Variants in IPP observed in about 807,000 individuals in gnomAD.
IPP encodes the protein intracisternal A particle-promoted polypeptide.
IPP carries 41 observed loss-of-function variants against 64.1 expected under a neutral mutation model. The ratio of observed to expected loss-of-function variants is 0.64; its 90% CI spans 0.50 to 0.83. IPP has a LOEUF of 0.83. Among genes scored for constraint, IPP ranks in the 40% least tolerant of loss-of-function variants. The pLI, the probability that IPP is intolerant of heterozygous loss-of-function variation, is 0.00. For missense variants in IPP, 649 were observed against 703.0 expected (o/e 0.92, Z 0.87); for synonymous variants, 214 against 235.2 (o/e 0.91, Z 0.83).
At chr1:45,702,037 A>G (rs949333341) in intron 8 of IPP, among the ~76,000 whole-genome samples, 2 of 152,250 alleles carry the variant, frequency 1.3e-5, no homozygotes, top group African/African-American at 4.8e-5. Flanking sequence ...TTACATTTTA[A>G]AATATAAATA....
At chr1:45,741,419 T>G (rs1646064220) in intron 2 of IPP, 87 bp from the exon 3 acceptor site, 1 of 889,110 alleles carries the variant, frequency 1.1e-6, no homozygotes, top group Non-Finnish European at 1.7e-6. Flanking sequence ...TTGATTTCAC[T>G]GATAGTTTGA....
intron 3 of IPP, among the ~76,000 whole-genome samples, chr1:45,734,063 C>A (rs1485079860): frequency 6.6e-6 from 1 of 151,618 alleles, no homozygotes; most frequent in Non-Finnish European, 1.5e-5. Context: ...CATTTAAATT[C>A]AAAACTAAAA....
At chr1:45,698,709 TTTTTTTTC>T in exon 9 of IPP, 2 of 739,226 alleles carry the variant, frequency 2.7e-6, no homozygotes, top group Non-Finnish European at 3.0e-6. Flanking sequence ...AAGGAAGAAT[TTTTTTTTC>T]TTTTTTTTTT....
intron 2 of IPP, among the ~76,000 whole-genome samples, chr1:45,745,202 C>T (rs1444340023): frequency 2.0e-5 from 3 of 152,166 alleles, no homozygotes; most frequent in Non-Finnish European, 4.4e-5. Flanking sequence ...CCCCTGTGTA[C>T]ATTCTCTAAT....
chr1:45,742,079 G>A (rs974009087), intron 2 of IPP, among the ~76,000 whole-genome samples: 2 of 152,184 alleles, frequency 1.3e-5, no homozygotes, highest in Non-Finnish European at 2.9e-5. Flanking sequence ...AACACAGATG[G>A]AGCTGGAGGC....
intron 5 of IPP, among the ~76,000 whole-genome samples, chr1:45,725,327 G>T (rs1251453183): frequency 2.1e-5 from 3 of 141,002 alleles, no homozygotes; most frequent in African/African-American, 7.9e-5. Context: ...CGCCCCGTCC[G>T]GGAGGGAGGT....
chr1:45,733,849 T>C (rs1392157083), intron 3 of IPP, among the ~76,000 whole-genome samples: 43 of 150,556 alleles, frequency 2.9e-4, no homozygotes, highest in Admixed American at 2.7e-3. Context: ...AAAAACAGTA[T>C]TATGCCCACC....
chr1:45,697,091 C>T (rs1014444203), downstream of IPP: 2 of 152,138 alleles, frequency 1.3e-5, no homozygotes, highest in African/African-American at 2.4e-5. Context: ...TCTTTGACAT[C>T]TTACAGATCT....
intron 8 of IPP, among the ~76,000 whole-genome samples, chr1:45,712,526 C>T (rs1270592208): frequency 2.0e-5 from 3 of 151,146 alleles, no homozygotes; most frequent in Admixed American, 2.0e-4. Context: ...TTCTTACAAC[C>T]CATTAGTCAA....
intron 2 of IPP, among the ~76,000 whole-genome samples, chr1:45,742,737 C>T (rs567350858): frequency 2.6e-5 from 4 of 151,984 alleles, no homozygotes; most frequent in Admixed American, 6.6e-5. Flanking sequence ...AGGGTTTTGC[C>T]GCATTGCCCA....
chr1:45,749,372 T>C (rs539402357), intron 1 of IPP, among the ~76,000 whole-genome samples: 1 of 152,304 alleles, frequency 6.6e-6, no homozygotes, highest in Admixed American at 6.5e-5. Flanking sequence ...AGCACAATTC[T>C]GTGACGTTGC....
intron 8 of IPP, among the ~76,000 whole-genome samples, chr1:45,708,166 GCC>G (rs1362079645): frequency 1.3e-5 from 2 of 151,456 alleles, no homozygotes; most frequent in East Asian, 4.0e-4. Context: ...CCAGGTTCAT[GCC>G]ATTCTCCTGC....
At chr1:45,731,705 G>A (rs1645908047) in intron 3 of IPP, among the ~76,000 whole-genome samples, 1 of 151,896 alleles carries the variant, frequency 6.6e-6, no homozygotes, top group African/African-American at 2.4e-5. Flanking sequence ...GGAGGCCGAG[G>A]GGGGTGAATC....
At chr1:45,744,434 G>A (rs554464128) in intron 2 of IPP, among the ~76,000 whole-genome samples, 4 of 151,954 alleles carry the variant, frequency 2.6e-5, no homozygotes, top group East Asian at 1.9e-4. Flanking sequence ...CCCAGTCCAG[G>A]GTGCAGCAGC....
chr1:45,750,060 A>G (rs77310868), intron 1 of IPP, among the ~76,000 whole-genome samples: 1 of 152,160 alleles, frequency 6.6e-6, no homozygotes, highest in Non-Finnish European at 1.5e-5. Flanking sequence ...CAAAAAAAAA[A>G]GCAGATTATT....
At chr1:45,735,885 G>T (rs1012652419) in intron 3 of IPP, among the ~76,000 whole-genome samples, 34 of 150,242 alleles carry the variant, frequency 2.3e-4, no homozygotes, top group Admixed American at 2.3e-3. Context: ...GCCAAGGAGG[G>T]TGGATCATGA....
chr1:45,734,655 T>C (rs1205955134), intron 3 of IPP, among the ~76,000 whole-genome samples: 1 of 152,180 alleles, frequency 6.6e-6, no homozygotes, highest in Non-Finnish European at 1.5e-5. Context: ...AATCTCACTC[T>C]ATCGCCCAGG....
chr1:45,734,774 C>T (rs1645955258), intron 3 of IPP, among the ~76,000 whole-genome samples: 1 of 151,258 alleles, frequency 6.6e-6, no homozygotes, highest in Admixed American at 6.6e-5. Context: ...CATGCACCAC[C>T]ACACCTGGCT....
chr1:45,737,572 C>T (rs943629955), intron 3 of IPP, among the ~76,000 whole-genome samples: 1 of 151,500 alleles, frequency 6.6e-6, no homozygotes, highest in Admixed American at 6.6e-5. Flanking sequence ...GTGACCTTCC[C>T]ACCTCAGCCC....
Sources: allele counts gnomAD v4.1 joint callset (sites outside exome capture counted in the v4.1 genomes callset), GRCh38; gene constraint gnomAD v4.1.1; transcripts MANE v1.5; gene names NCBI Gene and HGNC (gene_info 2026-07-23, HGNC 2026-07-21).